The following CCSER1 variants were observed in gnomAD, a reference collection of about 807,000 sequenced individuals.
The protein encoded by CCSER1 is serine-rich coiled-coil domain-containing protein 1.
CCSER1 carries 41 observed loss-of-function variants against 82.0 expected under a neutral mutation model. The observed-to-expected ratio is 0.50, with a 90% CI of 0.39 to 0.65. CCSER1 has a LOEUF of 0.65. Among genes scored for constraint, CCSER1 ranks in the 30% least tolerant of loss-of-function variants. CCSER1 has a pLI of 0.00. For missense variants in CCSER1, 1,119 were observed against 1,064.2 expected, an observed-to-expected ratio of 1.05 and a Z score of -0.72; for synonymous variants, 414 against 383.9, an observed-to-expected ratio of 1.08 and a Z score of -0.92.
chr4:90,367,408 A>G (rs17016922), intron 3 of CCSER1, among the ~76,000 whole-genome samples: 1 of 151,594 alleles, frequency 6.6e-6, no homozygotes, highest in African/African-American at 2.4e-5. Flanking sequence ...AATAATAATA[A>G]CATTTTCCTC....
At chr4:90,912,237 C>T (rs935494917) in intron 8 of CCSER1, among the ~76,000 whole-genome samples, 11 of 152,162 alleles carry the variant, frequency 7.2e-5, no homozygotes, top group East Asian at 1.9e-4. Context: ...TATGTGTCTG[C>T]CCAGTAGGGG....
chr4:90,301,725 G>A (rs899359882), intron 1 of CCSER1, among the ~76,000 whole-genome samples: 1 of 151,944 alleles, frequency 6.6e-6, no homozygotes, highest in Non-Finnish European at 1.5e-5. Flanking sequence ...TCTGAATTGA[G>A]AAATATTAGA....
At chr4:91,101,606 G>T (rs913471691) in intron 10 of CCSER1, among the ~76,000 whole-genome samples, 2 of 147,684 alleles carry the variant, frequency 1.4e-5, no homozygotes, top group African/African-American at 2.5e-5. Flanking sequence ...CTGCACTCCA[G>T]CCTGGGGACA....
chr4:91,078,622 A>G (rs1258823632), intron 9 of CCSER1, among the ~76,000 whole-genome samples: 2 of 152,098 alleles, frequency 1.3e-5, no homozygotes, highest in Non-Finnish European at 2.9e-5. Context: ...ACTGGTAATA[A>G]CAAACTTCTC....
At chr4:91,215,475 A>C (rs1414485644) in intron 10 of CCSER1, among the ~76,000 whole-genome samples, 2 of 152,214 alleles carry the variant, frequency 1.3e-5, no homozygotes, top group Non-Finnish European at 2.9e-5. Context: ...CAAGCTAAAG[A>C]GCAAGATAGC....
At chr4:90,968,093 T>C (rs1264777708) in intron 9 of CCSER1, among the ~76,000 whole-genome samples, 1 of 151,676 alleles carries the variant, frequency 6.6e-6, no homozygotes, top group Admixed American at 6.6e-5. Flanking sequence ...ACCTCACAGA[T>C]AACATGAGAA....
At chr4:90,913,020 C>T (rs892832145) in intron 8 of CCSER1, among the ~76,000 whole-genome samples, 2 of 152,114 alleles carry the variant, frequency 1.3e-5, no homozygotes, top group African/African-American at 2.4e-5. Flanking sequence ...GATTGGTGTA[C>T]CTGAAAGTGA....
At chr4:91,583,659 T>C (rs955770952) in intron 10 of CCSER1, among the ~76,000 whole-genome samples, 1 of 151,556 alleles carries the variant, frequency 6.6e-6, no homozygotes, top group Non-Finnish European at 1.5e-5. Context: ...TTTTGGTTTT[T>C]CATGATGTCT....
chr4:90,577,657 A>T (rs941847745), intron 5 of CCSER1, among the ~76,000 whole-genome samples: 1 of 152,094 alleles, frequency 6.6e-6, no homozygotes, highest in African/African-American at 2.4e-5. Flanking sequence ...AACTTTTTAC[A>T]TGCTGGCCTG....
intron 5 of CCSER1, among the ~76,000 whole-genome samples, chr4:90,620,189 A>C (rs1462965252): frequency 1.3e-5 from 2 of 152,156 alleles, no homozygotes; most frequent in Admixed American, 1.3e-4. Flanking sequence ...TAAGACTGTA[A>C]CTTAATAATA....
At chr4:91,387,817 T>G (rs569858147) in intron 10 of CCSER1, among the ~76,000 whole-genome samples, 1 of 152,212 alleles carries the variant, frequency 6.6e-6, no homozygotes, top group East Asian at 1.9e-4. Context: ...GGAAAACAGT[T>G]AAAAGTTCTT....
chr4:90,529,911 G>A (rs937154931), intron 5 of CCSER1, among the ~76,000 whole-genome samples: 1 of 150,330 alleles, frequency 6.7e-6, no homozygotes, highest in Non-Finnish European at 1.5e-5. Context: ...CAACCTCATA[G>A]ATCCTTTAGC....
chr4:91,030,237 A>G (rs1740854782), intron 9 of CCSER1, among the ~76,000 whole-genome samples: 1 of 152,104 alleles, frequency 6.6e-6, no homozygotes, highest in African/African-American at 2.4e-5. Context: ...GGGAAAACCA[A>G]AGATGAAAAA....
chr4:91,556,169 G>T (rs2110238232), intron 10 of CCSER1, among the ~76,000 whole-genome samples: 1 of 151,326 alleles, frequency 6.6e-6, no homozygotes, highest in East Asian at 1.9e-4. Context: ...TCAGGCCCAA[G>T]AAATGAGTGA....
In CCSER1 at chr4:90,321,453, C is replaced by T. The variant is rs190132309; in HGVS notation, c.1509+8406C>T. ...TGTGTATGTACCACATTTTCTTTAT[C>T]CTTTTGCTTGCTGATGGACACTTAA... On this transcript the variant is annotated intron_variant, in intron 3 of 10. Transcript: ENST00000509176. 1.8e-3 allele frequency among the ~76,000 whole-genome samples: 280 copies of T among 152,156 alleles called. 1 individual carries two copies. In the Middle Eastern group the frequency reaches 0.021, roughly 11 times the overall value.
At chr4:90,905,026 T>C (rs1405416231) in intron 8 of CCSER1, among the ~76,000 whole-genome samples, 1 of 152,132 alleles carries the variant, frequency 6.6e-6, no homozygotes, top group African/African-American at 2.4e-5. Flanking sequence ...TGTTCTTTAC[T>C]GTTCCCTTTT....
chr4:90,615,643 G>A (rs1482142679), intron 5 of CCSER1, among the ~76,000 whole-genome samples: 1 of 151,310 alleles, frequency 6.6e-6, no homozygotes, highest in East Asian at 1.9e-4. Flanking sequence ...TCCCATAACG[G>A]TTGCTTCTTG....
At chr4:90,275,733 G>T (rs1431099494) in intron 1 of CCSER1, among the ~76,000 whole-genome samples, 1 of 152,114 alleles carries the variant, frequency 6.6e-6, no homozygotes, top group Non-Finnish European at 1.5e-5. Context: ...AATATCTGGG[G>T]AATATGCTTG....
chr4:90,884,565 A>G (rs1198214075), intron 8 of CCSER1, among the ~76,000 whole-genome samples: 1 of 152,180 alleles, frequency 6.6e-6, no homozygotes, highest in African/African-American at 2.4e-5. Flanking sequence ...GACTTGAAAA[A>G]TGTCTCTTTT....
Sources: allele counts gnomAD v4.1 joint callset (sites outside exome capture counted in the v4.1 genomes callset), GRCh38; gene constraint gnomAD v4.1.1; transcripts MANE v1.5; gene names NCBI Gene and HGNC (gene_info 2026-07-23, HGNC 2026-07-21).